Variants in PPP4R4 observed in about 807,000 individuals in gnomAD.
PPP4R4 encodes the protein serine/threonine-protein phosphatase 4 regulatory subunit 4.
PPP4R4 carries 70 observed loss-of-function variants against 121.8 expected under a neutral mutation model. That is an observed-to-expected ratio of 0.57 (90% CI 0.47 to 0.70). The LOEUF is 0.70. Ranked by LOEUF, PPP4R4 falls within the 30% of genes least tolerant of loss-of-function variation. The pLI is 0.00. For missense variants in PPP4R4, 875 were observed against 1,033.6 expected (o/e 0.85, Z 2.10); for synonymous variants, 348 against 355.7 (o/e 0.98, Z 0.24).
At chr14:94,181,017 C>T (rs1888956491) in intron 2 of PPP4R4, among the ~76,000 whole-genome samples, 1 of 152,084 alleles carries the variant, frequency 6.6e-6, no homozygotes, top group South Asian at 2.1e-4. Flanking sequence ...GTGATTAAAG[C>T]TTTGCTACTC....
At chr14:94,241,749 C>T in intron 9 of PPP4R4, 39 bp from the exon 10 acceptor site, 3 of 1,448,958 alleles carry the variant, frequency 2.1e-6, no homozygotes, top group East Asian at 2.4e-5. Context: ...ATTTTGTTTT[C>T]AATTGAAATG....
At chr14:94,278,440 T>A (rs1894757974) in intron 24 of PPP4R4, among the ~76,000 whole-genome samples, 179 bp from the exon 25 acceptor site, 1 of 152,192 alleles carries the variant, frequency 6.6e-6, no homozygotes, top group East Asian at 1.9e-4. Flanking sequence ...GTAATTCATT[T>A]TTTCCCTTAA....
At chr14:94,265,756 A>G in intron 21 of PPP4R4, 38 bp from the exon 22 acceptor site, 2 of 1,438,626 alleles carry the variant, frequency 1.4e-6, no homozygotes, top group Middle Eastern at 3.5e-4. Context: ...CCGAGGATGA[A>G]CTGAATACAT....
At chr14:94,201,957 T>TATATATACAAATATATATATAC (rs535853609) in intron 2 of PPP4R4, among the ~76,000 whole-genome samples, 5 of 150,674 alleles carry the variant, frequency 3.3e-5, no homozygotes, top group Admixed American at 2.6e-4. Context: ...TATATATATA[T>TATATATACAAATATATATATAC]ACATATATAT....
intron 7 of PPP4R4, among the ~76,000 whole-genome samples, chr14:94,236,063 GGTAT>G (rs1176374028): frequency 5.3e-5 from 8 of 152,016 alleles, no homozygotes; most frequent in Admixed American, 5.2e-4. Context: ...TGTCACACAG[GGTAT>G]GGTGGAATGT....
chr14:94,179,111 T>C (rs1888834841), intron 2 of PPP4R4, among the ~76,000 whole-genome samples: 1 of 147,212 alleles, frequency 6.8e-6, no homozygotes, highest in South Asian at 2.2e-4. Context: ...ATTTAAACTG[T>C]ACAGTTAAGT....
chr14:94,256,859 T>C (rs1404608413), intron 17 of PPP4R4, among the ~76,000 whole-genome samples: 1 of 152,156 alleles, frequency 6.6e-6, no homozygotes, highest in South Asian at 2.1e-4. Flanking sequence ...TGTTAGGTGC[T>C]CAATAAACAC....
chr14:94,237,386 A>G (rs938908939), intron 7 of PPP4R4, among the ~76,000 whole-genome samples, 179 bp from the exon 8 acceptor site: 1 of 152,166 alleles, frequency 6.6e-6, no homozygotes, highest in Non-Finnish European at 1.5e-5. Context: ...ATTACTATTA[A>G]TGTTTCTTAT....
intron 3 of PPP4R4, among the ~76,000 whole-genome samples, chr14:94,210,570 C>G (rs1890691204): frequency 6.6e-6 from 1 of 152,058 alleles, no homozygotes; most frequent in Non-Finnish European, 1.5e-5. Context: ...TTTTACTAAT[C>G]AACATGCAAC....
At chr14:94,201,935 T>TGTATATATATAAATATATATATATAC (rs1567112046) in intron 2 of PPP4R4, among the ~76,000 whole-genome samples, 3 of 148,852 alleles carry the variant, frequency 2.0e-5, no homozygotes, top group Non-Finnish European at 4.4e-5. Flanking sequence ...TGTGTGTGTG[T>TGTATATATATAAATATATATATATAC]ATATATATAA....
intron 3 of PPP4R4, among the ~76,000 whole-genome samples, chr14:94,222,696 T>C (rs1367459500): frequency 6.6e-6 from 1 of 152,074 alleles, no homozygotes; most frequent in East Asian, 1.9e-4. Context: ...ATAGATGTTT[T>C]TATTAGCATA....
chr14:94,215,127 T>G (rs1890953340), intron 3 of PPP4R4, among the ~76,000 whole-genome samples: 1 of 152,192 alleles, frequency 6.6e-6, no homozygotes, highest in South Asian at 2.1e-4. Context: ...TGTGGAACAC[T>G]GTAGGCCAGG....
rs1894803354 is a variant in PPP4R4, at chr14:94,279,184, TGTG to T, written c.*545_*547del. 6.6e-6 allele frequency: 1 copy of T among 152,616 alleles called. No individual in the cohort carries two copies. Among genetic ancestry groups the T allele is most frequent in the African/African-American group, 2.4e-5 (1 of 41,448 alleles). The allele number at this position is 152,616 out of a possible 1,614,324, so 9.5% of individuals were successfully genotyped here. A position where few individuals can be genotyped will look rare whatever the true frequency, so the allele number is the denominator to read the frequency against. ...CTGCGATTTTGGCGGCCCTCCGGATTGTGGTGACAATATGTTGTACCCGGACAT... is the reference window on the plus strand; with the variant it reads ...CTGCGATTTTGGCGGCCCTCCGGATTGTGACAATATGTTGTACCCGGACAT... On this transcript the variant is annotated 3_prime_UTR_variant, in exon 25 of 25. Transcript: ENST00000304338.
At chr14:94,192,824 A>G (rs1227224018) in intron 2 of PPP4R4, among the ~76,000 whole-genome samples, 4 of 152,184 alleles carry the variant, frequency 2.6e-5, no homozygotes, top group Non-Finnish European at 4.4e-5. Flanking sequence ...GGCTAGGAAA[A>G]GAGGACTTTG....
chr14:94,259,311 A>T lies in PPP4R4; in HGVS notation c.2069A>T (p.Tyr690Phe). The change falls in exon 19 of 25, where the codon TAT becomes TTT. Residue 690 changes from tyrosine (Y) to phenylalanine (F), a missense_variant. Coordinates refer to ENST00000304338, the MANE Select transcript of PPP4R4 (RefSeq NM_058237.2). ...TTTAAACAGTTTCAGAAAAAGTTTT[A>T]TGAGAAAGATTTGTTGGATCAAGAG... ...MSMDAFQKKF[Y>F]EKDLLDQEKE... 1 of 1,607,018 alleles carries T rather than the reference A, an allele frequency of 6.2e-7. No individual in the cohort carries two copies. Among genetic ancestry groups the T allele is most frequent in the Non-Finnish European group, 8.5e-7 (1 of 1,177,930 alleles).
At chr14:94,259,741 A>G (rs1893675154) in intron 19 of PPP4R4, among the ~76,000 whole-genome samples, 1 of 152,206 alleles carries the variant, frequency 6.6e-6, no homozygotes, top group Non-Finnish European at 1.5e-5. Flanking sequence ...AACCAATGAT[A>G]TAGTTTCTGT....
At chr14:94,215,379 T>G (rs965536494) in intron 3 of PPP4R4, among the ~76,000 whole-genome samples, 4 of 152,218 alleles carry the variant, frequency 2.6e-5, no homozygotes, top group African/African-American at 4.8e-5. Context: ...TACAGATTGC[T>G]TTCTTCTTTG....
intron 16 of PPP4R4, among the ~76,000 whole-genome samples, chr14:94,254,874 C>T (rs1299831507): frequency 6.6e-6 from 1 of 152,116 alleles, no homozygotes; most frequent in Non-Finnish European, 1.5e-5. Flanking sequence ...CATTCTTCAA[C>T]CTCCTTGTTT....
chr14:94,189,930 C>A (rs747399450), intron 2 of PPP4R4, among the ~76,000 whole-genome samples: 3 of 152,182 alleles, frequency 2.0e-5, no homozygotes, highest in Non-Finnish European at 4.4e-5. Flanking sequence ...CCAGCAGTTC[C>A]TGAATGATTG....
Sources: allele counts gnomAD v4.1 joint callset (sites outside exome capture counted in the v4.1 genomes callset), GRCh38; gene constraint gnomAD v4.1.1; transcripts MANE v1.5; gene names NCBI Gene and HGNC (gene_info 2026-07-23, HGNC 2026-07-21).